ITGBL1: variants seen among roughly 807,000 people sequenced by gnomAD.
ITGBL1 encodes the protein integrin beta-like protein 1.
ITGBL1 carries 51 observed loss-of-function variants against 68.5 expected under a neutral mutation model. That is an observed-to-expected ratio of 0.74 (90% CI 0.59 to 0.94). ITGBL1 has a LOEUF of 0.94. ITGBL1 is among the 40% of genes least tolerant of loss of function. ITGBL1 has a pLI of 0.00. For synonymous variants in ITGBL1, 209 were observed against 227.3 expected, an observed-to-expected ratio of 0.92 and a Z score of 0.72; for missense variants, 649 against 647.4, an observed-to-expected ratio of 1.00 and a Z score of -0.03.
chr13:101,473,454 T>C (rs748995942), intron 2 of ITGBL1, among the ~76,000 whole-genome samples: 26 of 152,176 alleles, frequency 1.7e-4, no homozygotes, highest in Admixed American at 2.6e-4. Context: ...AGACAGATCA[T>C]TTTGATCAGC....
At chr13:101,609,928 A>G (rs998134502) in intron 7 of ITGBL1, among the ~76,000 whole-genome samples, 8 of 152,110 alleles carry the variant, frequency 5.3e-5, no homozygotes, top group Admixed American at 2.6e-4. Context: ...GTTTCATTAC[A>G]TTTTGCATTA....
At position 101,493,426 on chromosome 13, in the gene ITGBL1, G is replaced by A. The variant is rs150589380; in HGVS notation, c.316+39326G>A. ...TCTTATTACGATTCTCAATATTGCA[G>A]TAAATTGTGTTTTGTGGGGCTTTGA... On this transcript the variant is annotated intron_variant, in intron 2 of 10. Coordinates refer to ENST00000376180, the MANE Select transcript of ITGBL1 (RefSeq NM_004791.3). Among the ~76,000 whole-genome samples, 848 of 152,098 alleles carry A rather than the reference G, an allele frequency of 5.6e-3. 12 individuals carry two copies. The highest frequency in any genetic ancestry group is 0.019 in the African/African-American group (799 of 41,494).
At chr13:101,685,352 A>G (rs969928029) in intron 7 of ITGBL1, among the ~76,000 whole-genome samples, 2 of 152,106 alleles carry the variant, frequency 1.3e-5, no homozygotes, top group East Asian at 1.9e-4. Flanking sequence ...GTGTTGGCAC[A>G]TAAAAATTTT....
At chr13:101,589,937 G>T (rs73554087) in intron 6 of ITGBL1, among the ~76,000 whole-genome samples, 2,929 of 152,226 alleles carry the variant, frequency 0.019, 107 homozygotes, top group African/African-American at 0.066. Context: ...AAGAGCATCA[G>T]AAATAGCAAT....
intron 2 of ITGBL1, chr13:101,489,981 G>A: frequency 6.7e-7 from 1 of 1,502,934 alleles, no homozygotes; most frequent in Non-Finnish European, 8.9e-7. Context: ...TAGTTGCAGT[G>A]ATGGGAGCAT....
chr13:101,515,628 G>T (rs1233105627), intron 2 of ITGBL1, among the ~76,000 whole-genome samples: 1 of 152,008 alleles, frequency 6.6e-6, no homozygotes, highest in Admixed American at 6.6e-5. Flanking sequence ...GTACTGACCA[G>T]GTGCTGACCA....
chr13:101,530,721 T>G (rs1566717921), intron 2 of ITGBL1, among the ~76,000 whole-genome samples: 1 of 152,236 alleles, frequency 6.6e-6, no homozygotes, highest in Non-Finnish European at 1.5e-5. Flanking sequence ...ACAAAAAAAT[T>G]AACACACACA....
At chr13:101,703,568 A>G (rs1385344574) in intron 8 of ITGBL1, among the ~76,000 whole-genome samples, 4 of 152,170 alleles carry the variant, frequency 2.6e-5, no homozygotes, top group Non-Finnish European at 2.9e-5. Context: ...GAGCCAGAGT[A>G]TTGGAGAGAC....
At chr13:101,479,504 C>A (rs1351526178) in intron 2 of ITGBL1, among the ~76,000 whole-genome samples, 1 of 151,866 alleles carries the variant, frequency 6.6e-6, no homozygotes, top group East Asian at 1.9e-4. Context: ...AGGCAACAAT[C>A]AACAAAGTGA....
intron 7 of ITGBL1, among the ~76,000 whole-genome samples, chr13:101,675,048 A>G (rs2033467332): frequency 6.6e-6 from 1 of 152,116 alleles, no homozygotes; most frequent in Non-Finnish European, 1.5e-5. Context: ...CTTCAAATGA[A>G]AGGATATTTT....
At chr13:101,659,635 G>A (rs1045759457) in intron 7 of ITGBL1, among the ~76,000 whole-genome samples, 2 of 152,112 alleles carry the variant, frequency 1.3e-5, no homozygotes, top group South Asian at 2.1e-4. Context: ...CTAATTTTTT[G>A]TATTTTGAGT....
chr13:101,671,563 C>T (rs1287560507), intron 7 of ITGBL1, among the ~76,000 whole-genome samples: 1 of 149,788 alleles, frequency 6.7e-6, no homozygotes, highest in African/African-American at 2.4e-5. Context: ...CTCAGCCTCC[C>T]GAGTAGCTGG....
intron 7 of ITGBL1, among the ~76,000 whole-genome samples, chr13:101,678,048 TTAAATTA>T (rs568034374): frequency 1.8e-4 from 27 of 152,242 alleles, no homozygotes; most frequent in Non-Finnish European, 3.2e-4. Context: ...TTATGTATTT[TTAAATTA>T]TAAACTATTT....
intron 7 of ITGBL1, among the ~76,000 whole-genome samples, chr13:101,637,750 T>C (rs370267066): frequency 1.3e-5 from 2 of 152,328 alleles, no homozygotes; most frequent in African/African-American, 4.8e-5. Context: ...TTGGTTTACA[T>C]GGGCATACCA....
intron 8 of ITGBL1, among the ~76,000 whole-genome samples, chr13:101,701,744 A>G (rs1178722865): frequency 6.6e-6 from 1 of 152,148 alleles, no homozygotes; most frequent in African/African-American, 2.4e-5. Context: ...CAGTCATGAA[A>G]AGAAAAACAC....
At position 101,598,269 on chromosome 13, in the gene ITGBL1, G is replaced by A. The variant is rs975835979; in HGVS notation, c.985G>A (p.Gly329Arg). Residue 329 changes from glycine (G) to arginine (R), a missense_variant, in exon 7 of 11, where the codon GGA becomes AGA. Coordinates refer to ENST00000376180, the MANE Select transcript of ITGBL1 (RefSeq NM_004791.3). ...SAEESIRKCQ[G>R]SSDLPCSGRG... ...TGAGGAGAGCATCAGGAAGTGCCAG[G>A]GAAGCTCGGATCTGCCTTGCTCTGG... The A allele has an allele frequency of 1.2e-6, 2 of 1,613,094 alleles. No individual in the cohort carries two copies. Among genetic ancestry groups the A allele is most frequent in the African/African-American group, 1.3e-5 (1 of 75,006 alleles).
intron 2 of ITGBL1, among the ~76,000 whole-genome samples, chr13:101,512,203 CTT>C (rs2049126967): frequency 6.6e-6 from 1 of 151,986 alleles, no homozygotes; most frequent in Admixed American, 6.6e-5. Context: ...GATCTGATCT[CTT>C]CTTCTGCATG....
intron 2 of ITGBL1, among the ~76,000 whole-genome samples, chr13:101,468,631 A>G: frequency 6.6e-6 from 1 of 152,238 alleles, no homozygotes; most frequent in Admixed American, 6.5e-5. Context: ...CATAATTTTC[A>G]GAAACTTTAT....
At chr13:101,611,541 T>C (rs1311483043) in intron 7 of ITGBL1, among the ~76,000 whole-genome samples, 2 of 152,162 alleles carry the variant, frequency 1.3e-5, no homozygotes, top group Non-Finnish European at 1.5e-5. Flanking sequence ...GGTATGTATA[T>C]AGATGCCTAC....
Sources: gnomAD v4.1 joint callset for allele counts (sites outside exome capture counted in the v4.1 genomes callset) on GRCh38, gnomAD v4.1.1 for gene constraint, MANE v1.5 for transcripts, NCBI Gene and HGNC (gene_info 2026-07-23, HGNC 2026-07-21) for gene names.